CHTF18: variants seen among roughly 807,000 people sequenced by gnomAD.
The protein encoded by CHTF18 is chromosome transmission fidelity factor 18, also known as chromosome transmission fidelity protein 18 homolog.
CHTF18 carries 151 observed loss-of-function variants against 113.4 expected under a neutral mutation model. The ratio of observed to expected loss-of-function variants is 1.33; its 90% CI spans 1.17 to 1.52. The LOEUF (loss-of-function observed/expected upper bound fraction) is 1.52. Among genes scored for constraint, CHTF18 ranks in the 40% most tolerant of loss-of-function variants. The pLI is 0.00. For synonymous variants in CHTF18, 916 were observed against 598.8 expected (o/e 1.53, Z -7.74); for missense variants, 1,982 against 1,381.6 (o/e 1.43, Z -6.89).
At position 790,041 on chromosome 16, in the gene CHTF18, C is replaced by T. The variant is rs1364355961; in HGVS notation, c.607-136C>T. 8 of 1,536,026 alleles carry T rather than the reference C, an allele frequency of 5.2e-6. No individual in the cohort carries two copies. In the Admixed American group the frequency reaches 9.8e-5, roughly 19 times the overall value. On this transcript the variant is annotated intron_variant, in intron 4 of 21. Coordinates refer to ENST00000262315, the MANE Select transcript of CHTF18 (RefSeq NM_022092.3). ...CTGGATGGCTTCATTCCTTTGGCAC[C>T]CCTGTCCAGTCTCCCACCCCTCACT...
chr16:793,125 G>C lies in CHTF18; in HGVS notation c.1672-19G>C, dbSNP rs749595058. On this transcript the variant is annotated intron_variant, in intron 13 of 21. Coordinates refer to ENST00000262315, the MANE Select transcript of CHTF18 (RefSeq NM_022092.3). Reference sequence around the variant, plus strand: ...GGGTCAGGAGTTGGCCGCTTCTCATGCCCCCGCCCTATGTCTAGTTCCTGT... The same window carrying C: ...GGGTCAGGAGTTGGCCGCTTCTCATCCCCCCGCCCTATGTCTAGTTCCTGT... 5.7e-6 allele frequency: 9 copies of C among 1,583,808 alleles called. No individual in the cohort carries two copies. Among genetic ancestry groups the C allele is most frequent in the Non-Finnish European group, 7.7e-6 (9 of 1,166,366 alleles).
chr16:788,962 C>T lies in CHTF18; in HGVS notation c.123C>T (p.Pro41=), dbSNP rs748953938. Reference sequence around the variant, plus strand: ...CGACTCCGTCGCCCTCCGGGGTCCCCCTGTTCACCGCGGGCCGACCCCCGC... The same window carrying T: ...CGACTCCGTCGCCCTCCGGGGTCCCTCTGTTCACCGCGGGCCGACCCCCGC... ...GASTPSPSGV[P]LFTAGRPPRT... is the part of the protein sequence containing the mutation. The change falls in exon 2 of 22, where the codon CCC becomes CCT. Residue 41 remains proline, a synonymous_variant. Coordinates refer to ENST00000262315, the MANE Select transcript of CHTF18 (RefSeq NM_022092.3). 1.8e-5 allele frequency: 29 copies of T among 1,570,866 alleles called. No homozygotes were observed. Among genetic ancestry groups the T allele is most frequent in the Admixed American group, 1.2e-4 (7 of 56,364 alleles).
intron 7 of CHTF18, chr16:790,958 C>T (rs1032192128): frequency 2.8e-6 from 4 of 1,435,700 alleles, no homozygotes; most frequent in African/African-American, 1.4e-5. Flanking sequence ...GGGCAGGGGC[C>T]TCCCAGATGG....
chr16:797,206 G>A (rs1042345192), intron 20 of CHTF18, 114 bp downstream of exon 20: 1 of 1,298,952 alleles, frequency 7.7e-7, no homozygotes, highest in Non-Finnish European at 1.0e-6. Context: ...GGGTACCTTT[G>A]TGGGTGTGGC....
chr16:797,632 C>CT lies in CHTF18; in HGVS notation c.2734-60dup, dbSNP rs1310075245. On this transcript the variant is annotated intron_variant, in intron 20 of 21. Transcript: ENST00000262315. ...CTGGGAAGGCTCTCGGTCCTCCTGTCTTGGGTAGGGGCTGGATGGGGCATC... is the reference window on the plus strand; with the variant it reads ...CTGGGAAGGCTCTCGGTCCTCCTGTCTTTGGGTAGGGGCTGGATGGGGCATC... 4 of 1,573,682 alleles carry CT rather than the reference C, an allele frequency of 2.5e-6. No individual in the cohort carries two copies. In the African/African-American group the frequency reaches 5.4e-5, roughly 21 times the overall value.
At chr16:792,942 C>T (rs750177652) in intron 12 of CHTF18, 24 bp from the exon 13 acceptor site, 42 of 1,547,962 alleles carry the variant, frequency 2.7e-5, no homozygotes, top group Middle Eastern at 1.7e-4. Flanking sequence ...ACCATCGGGC[C>T]CTCCAGCAGC....
Position 794,107 on chromosome 16 carries a change from A to G in CHTF18, c.1856A>G (p.Asp619Gly), listed in dbSNP as rs1000942742. 4 of 1,612,180 alleles carry G rather than the reference A, an allele frequency of 2.5e-6. No homozygotes were observed. Among genetic ancestry groups the G allele is most frequent in the Non-Finnish European group, 3.4e-6 (4 of 1,179,700 alleles). Reference sequence around the variant, plus strand: ...CCTGCTGACACACTCCTGCTGGGTGACGGGGACGCGGGCTCCCTCACCTCC... The same window carrying G: ...CCTGCTGACACACTCCTGCTGGGTGGCGGGGACGCGGGCTCCCTCACCTCC... ...ALPADTLLLG[D>G]GDAGSLTSAS... Residue 619 changes from aspartate (D) to glycine (G), a missense_variant, in exon 15 of 22, where the codon GAC becomes GGC. Asp to Gly is a moderately conservative substitution (Grantham distance 94, BLOSUM62 -1). Coordinates refer to ENST00000262315, the MANE Select transcript of CHTF18 (RefSeq NM_022092.3).
At chr16:789,976 T>C (rs1436417231) in intron 4 of CHTF18, 28 of 1,534,930 alleles carry the variant, frequency 1.8e-5, no homozygotes, top group African/African-American at 2.7e-5. Context: ...TCCTCCTTTC[T>C]CCTAAAGCTG....
At chr16:796,437 C>T (rs927873744) in intron 18 of CHTF18, among the ~76,000 whole-genome samples, 1 of 152,236 alleles carries the variant, frequency 6.6e-6, no homozygotes, top group Non-Finnish European at 1.5e-5. Context: ...GTCCTGCTGC[C>T]CCAGCGACGG....
In CHTF18 at chr16:792,124, CAT is replaced by C. The variant is rs2052973282; in HGVS notation, c.1203-99_1203-98del. Reference sequence around the variant, plus strand: ...TTCACGGGATCGGCAGCAGCCGCGTCATGTGACGGTCTCCACGCAAATGCGGC... The same window carrying C: ...TTCACGGGATCGGCAGCAGCCGCGTCGTGACGGTCTCCACGCAAATGCGGC... On this transcript the variant is annotated intron_variant, in intron 9 of 21. Transcript: ENST00000262315. 5 of 1,525,814 alleles carry C rather than the reference CAT, an allele frequency of 3.3e-6. 1 individual carries two copies. The South Asian group carries it at 4.9e-5, about 15-fold the overall frequency. 94.5% of individuals were successfully genotyped at this position (1,525,814 alleles called of 1,614,324 possible). A position where few individuals can be genotyped will look rare whatever the true frequency, so the allele number is the denominator to read the frequency against.
chr16:789,022 G>C lies in CHTF18; in HGVS notation c.183G>C (p.Ala61=). The change falls in exon 2 of 22, where the codon GCG becomes GCC. Residue 61 remains alanine, a synonymous_variant. Coordinates refer to ENST00000262315, the MANE Select transcript of CHTF18 (RefSeq NM_022092.3). The part of the protein sequence containing the change: ...TFEEALARGD[A]ASSPAPAASV... Reference sequence around the variant, plus strand: ...AGGAGGCCCTTGCCAGAGGGGACGCGGCCTCCAGTCCCGCCCCAGCCGCAT... The same window carrying C: ...AGGAGGCCCTTGCCAGAGGGGACGCCGCCTCCAGTCCCGCCCCAGCCGCAT... 1 of 1,537,340 alleles carries C rather than the reference G, an allele frequency of 6.5e-7. No individual in the cohort carries two copies. Among genetic ancestry groups the C allele is most frequent in the African/African-American group, 1.4e-5 (1 of 72,430 alleles).
intron 18 of CHTF18, 46 bp downstream of exon 18, chr16:796,123 G>C: frequency 6.4e-7 from 1 of 1,569,184 alleles, no homozygotes; most frequent in Non-Finnish European, 8.6e-7. Context: ...CATGCTCCCC[G>C]GCTGTGCTCC....
rs552756954 is a variant in CHTF18 at position 792,727 on chromosome 16, G to A, written c.1488G>A (p.Pro496=). 9.6e-6 allele frequency: 15 copies of A among 1,560,262 alleles called. No individual in the cohort carries two copies. The African/African-American group carries it at 1.2e-4, about 13-fold the overall frequency. ...TGCCGCCTCTCCTCAGGTTCGCACCGTCCCTGCGGCAGCTGAAGCAGCAGG... is the reference window on the plus strand; with the variant it reads ...TGCCGCCTCTCCTCAGGTTCGCACCATCCCTGCGGCAGCTGAAGCAGCAGG... The part of the protein sequence containing the change: ...IICICNDQFA[P]SLRQLKQQAF... The change falls in exon 12 of 22, where the codon CCG becomes CCA. Residue 496 remains proline, a synonymous_variant. Transcript: ENST00000262315.
In CHTF18 at chr16:791,060, C is replaced by G. The variant is rs2042182275; in HGVS notation, c.895-101C>G. ...ACGGGGGTGGCCATTCATCCTGTGG[C>G]TTGGCATCCCATGGGGCATGGGGCT... is the stretch of plus-strand genomic sequence containing the variant. On this transcript the variant is annotated intron_variant, in intron 7 of 21. Transcript: ENST00000262315. The G allele has an allele frequency of 4.7e-6, 7 of 1,502,968 alleles. No homozygotes were observed. In the South Asian group the frequency reaches 9.0e-5, roughly 19 times the overall value. 93.1% of individuals were successfully genotyped at this position (1,502,968 alleles called of 1,614,324 possible). A position where few individuals can be genotyped will look rare whatever the true frequency, so the allele number is the denominator to read the frequency against.
chr16:794,290 C>T (rs892767031), intron 15 of CHTF18, 89 bp downstream of exon 15: 31 of 1,457,596 alleles, frequency 2.1e-5, no homozygotes, highest in East Asian at 1.4e-4. Context: ...CCCGTATGGA[C>T]GGGGAGGCGC....
rs778636407 is a variant in CHTF18 at position 788,816 on chromosome 16, G to A, written c.91+41G>A. On this transcript the variant is annotated intron_variant, in intron 1 of 21. Transcript: ENST00000262315. ...CGGCCGTTGGGGAGGAGCTGCGAAA[G>A]CCGGGACAGTGGCGACCTCGGGGAG... is the stretch of plus-strand genomic sequence containing the variant. 1.5e-5 allele frequency: 23 copies of A among 1,567,278 alleles called. No homozygotes were observed. In the African/African-American group the frequency reaches 2.2e-4, roughly 15 times the overall value.
Position 795,819 on chromosome 16 carries a change from A to G in CHTF18, c.2310A>G (p.Ala770=), listed in dbSNP as rs2294446. The G allele has an allele frequency of 0.055, 88,071 of 1,608,432 alleles. 8,731 individuals carry two copies. Among genetic ancestry groups the G allele is most frequent in the African/African-American group, 0.31 (23,337 of 74,192 alleles). Residue 770 remains alanine (A), a synonymous_variant, in exon 17 of 22, where the codon GCA becomes GCG. Coordinates refer to ENST00000262315, the MANE Select transcript of CHTF18 (RefSeq NM_022092.3). ...TCTGCCTGCTCCTGGACATTCTTGCACCCAAGCTCCGCCCCGTGAGTGCCG... is the reference window on the plus strand; with the variant it reads ...TCTGCCTGCTCCTGGACATTCTTGCGCCCAAGCTCCGCCCCGTGAGTGCCG... The part of the protein sequence containing the change: ...DALCLLLDIL[A]PKLRPVSTQL...
chr16:791,759 C>A, intron 8 of CHTF18, 92 bp from the exon 9 acceptor site: 1 of 1,495,632 alleles, frequency 6.7e-7, no homozygotes, highest in Non-Finnish European at 8.9e-7. Flanking sequence ...GAGCGCCCAG[C>A]CTGTGGGACA....
chr16:797,101 T>C lies in CHTF18; in HGVS notation c.2733+9T>C. 1.3e-6 allele frequency: 2 copies of C among 1,501,106 alleles called. No individual in the cohort carries two copies. Among genetic ancestry groups the C allele is most frequent in the Non-Finnish European group, 1.8e-6 (2 of 1,130,400 alleles). The allele number at this position is 1,501,106 out of a possible 1,614,324, so 93.0% of individuals were successfully genotyped here. ...CGGCCCGGGAGGAACAGGTGTGGAA[T>C]GGGCAGCTGTGGGGGTGGGACCAGG... On this transcript the variant is annotated intron_variant, in intron 20 of 21. Transcript: ENST00000262315.
Sources: allele counts gnomAD v4.1 joint callset (sites outside exome capture counted in the v4.1 genomes callset), GRCh38; gene constraint gnomAD v4.1.1; transcripts MANE v1.5; gene names NCBI Gene and HGNC (gene_info 2026-07-23, HGNC 2026-07-21).